Variants in SIAH3 observed in about 807,000 individuals in gnomAD.
SIAH3 encodes seven in absentia homolog 3.
In SIAH3, 9 loss-of-function variants were observed where a neutral mutation model predicts 12.6. The ratio of observed to expected loss-of-function variants is 0.72; its 90% CI spans 0.43 to 1.25. The LOEUF (loss-of-function observed/expected upper bound fraction) is 1.25. SIAH3 is among the 50% of genes most tolerant of loss of function. The pLI, the probability that SIAH3 is intolerant of heterozygous loss-of-function variation, is 0.00. For missense variants in SIAH3, 390 were observed against 365.4 expected (o/e 1.07, Z -0.55); for synonymous variants, 154 against 151.1 (o/e 1.02, Z -0.14).
intron 1 of SIAH3, among the ~76,000 whole-genome samples, chr13:45,793,768 GC>G (rs1950553875): frequency 6.6e-6 from 1 of 152,202 alleles, no homozygotes; most frequent in South Asian, 2.1e-4. Flanking sequence ...TTAGAAGACT[GC>G]CCCCAAAAGA....
In SIAH3 at chr13:45,851,375, T is replaced by C; in HGVS notation, c.135+120A>G. 2.2e-6 allele frequency: 3 copies of C among 1,358,116 alleles called. No homozygotes were observed. In the South Asian group the frequency reaches 3.9e-5, roughly 18 times the overall value. 84.1% of individuals were successfully genotyped at this position (1,358,116 alleles called of 1,614,324 possible). ...CAAACACGCCGGGTTCCAGACACCGTCCCAGCCCCCGAGACCCGGGTTTGC... is the reference window on the plus strand; with the variant it reads ...CAAACACGCCGGGTTCCAGACACCGCCCCAGCCCCCGAGACCCGGGTTTGC... On this transcript the variant is annotated intron_variant, in intron 1 of 1. Transcript: ENST00000400405.
chr13:45,778,554 G>T lies in SIAH3; in HGVS notation c.*4829C>A, dbSNP rs191112204. On this transcript the variant is annotated 3_prime_UTR_variant, in exon 2 of 2. Coordinates refer to ENST00000400405, the MANE Select transcript of SIAH3 (RefSeq NM_198849.3). ...TGTTTCCCCAACAATTTGCTGTTCC[G>T]CTGGCTTGGCTGTCATTTATGCCCT... 4 of 152,290 alleles carry T rather than the reference G, an allele frequency of 2.6e-5. No individual in the cohort carries two copies. The highest frequency in any genetic ancestry group is 2.0e-4 in the Admixed American group (3 of 15,294). 9.4% of individuals were successfully genotyped at this position (152,290 alleles called of 1,614,324 possible). A position where few individuals can be genotyped will look rare whatever the true frequency, so the allele number is the denominator to read the frequency against.
chr13:45,795,926 G>A (rs1267907545), intron 1 of SIAH3, among the ~76,000 whole-genome samples: 2 of 119,324 alleles, frequency 1.7e-5, no homozygotes, highest in Non-Finnish European at 3.6e-5. Context: ...CCAACAACAT[G>A]GATAGATCTC....
chr13:45,783,304 G>T lies in SIAH3; in HGVS notation c.*79C>A. On this transcript the variant is annotated 3_prime_UTR_variant, in exon 2 of 2. Transcript: ENST00000400405. ...AAAAAAGAAAGGAGAAGAATAAAAA[G>T]GAGTCTGGAGTCCTGGTATTGGGAG... 1.0e-6 allele frequency: 1 copy of T among 978,106 alleles called. No homozygotes were observed. The highest frequency in any genetic ancestry group is 1.5e-6 in the Non-Finnish European group (1 of 689,228). The allele number at this position is 978,106 out of a possible 1,614,324, so 60.6% of individuals were successfully genotyped here.
At chr13:45,839,093 G>C (rs1405037972) in intron 1 of SIAH3, among the ~76,000 whole-genome samples, 1 of 152,110 alleles carries the variant, frequency 6.6e-6, no homozygotes, top group East Asian at 1.9e-4. Flanking sequence ...TTTAGTTATA[G>C]AGTATGGCCG....
intron 1 of SIAH3, among the ~76,000 whole-genome samples, chr13:45,843,287 C>T (rs1426097449): frequency 6.6e-6 from 1 of 152,014 alleles, no homozygotes; most frequent in Non-Finnish European, 1.5e-5. Flanking sequence ...TGTACAACCT[C>T]ACAGGGACAT....
rs761653065 is a variant in SIAH3, at chr13:45,783,417, G to A, written c.776C>T (p.Ala259Val). The change falls in exon 2 of 2, where the codon GCG (alanine) becomes GTG (valine). Residue 259 changes from alanine to valine, a missense_variant. Transcript: ENST00000400405. ...AGCTTCTGAGGGGAGGACCTCTGTC[G>A]CGGTGATGGCAATCCCAATGGCAAG... ...GSLAIGIAIT[A>V]TEVLPSEAEM 5 of 1,613,406 alleles carry A rather than the reference G, an allele frequency of 3.1e-6. No homozygotes were observed. The highest frequency in any genetic ancestry group is 4.2e-6 in the Non-Finnish European group (5 of 1,179,534).
At chr13:45,848,874 C>T (rs1342845018) in intron 1 of SIAH3, among the ~76,000 whole-genome samples, 1 of 152,176 alleles carries the variant, frequency 6.6e-6, no homozygotes, top group Non-Finnish European at 1.5e-5. Flanking sequence ...AATACTGCCA[C>T]AGGTTTTATT....
At chr13:45,843,034 C>CTCTGTGTGTGTG (rs560128772) in intron 1 of SIAH3, among the ~76,000 whole-genome samples, 11 of 139,186 alleles carry the variant, frequency 7.9e-5, no homozygotes, top group African/African-American at 2.7e-4. Flanking sequence ...CTCTCTCTCT[C>CTCTGTGTGTGTG]TGTGTGTGTG....
intron 1 of SIAH3, among the ~76,000 whole-genome samples, chr13:45,795,747 A>G (rs1457435335): frequency 2.0e-5 from 3 of 152,214 alleles, no homozygotes; most frequent in Middle Eastern, 3.2e-3. Flanking sequence ...CCTGACAAAT[A>G]TGAGCATTAT....
rs57504283 is a variant in SIAH3 at position 45,851,671 on chromosome 13, G to A, written c.-42C>T. ...TTGTTGGTCCGGGAAGGCAGCGGAG[G>A]AAGCTGTGAGTCCTTGGGCCCTGGA... is the stretch of plus-strand genomic sequence containing the variant. On this transcript the variant is annotated 5_prime_UTR_variant, in exon 1 of 2. Transcript: ENST00000400405. 3.3e-3 allele frequency: 5,332 copies of A among 1,613,350 alleles called. 146 individuals carry two copies. The African/African-American group carries it at 0.06, about 18-fold the overall frequency.
In SIAH3 at chr13:45,783,291, A is replaced by T; in HGVS notation, c.*92T>A. 1 of 772,294 alleles carries T rather than the reference A, an allele frequency of 1.3e-6. No homozygotes were observed. The highest frequency in any genetic ancestry group is 1.9e-6 in the Non-Finnish European group (1 of 532,192). The allele number at this position is 772,294 out of a possible 1,614,324, so 47.8% of individuals were successfully genotyped here. On this transcript the variant is annotated 3_prime_UTR_variant, in exon 2 of 2. Transcript: ENST00000400405. ...AAATTAAAAAAAAAAAAAAGAAAGG[A>T]GAAGAATAAAAAGGAGTCTGGAGTC...
chr13:45,787,481 C>T (rs533134349), intron 1 of SIAH3, among the ~76,000 whole-genome samples: 44 of 152,176 alleles, frequency 2.9e-4, no homozygotes, highest in Non-Finnish European at 4.4e-4. Flanking sequence ...CTGAGAGCAC[C>T]AAGTGGGGGA....
intron 1 of SIAH3, among the ~76,000 whole-genome samples, chr13:45,803,128 T>A (rs1593378993): frequency 6.6e-6 from 1 of 151,420 alleles, no homozygotes; most frequent in South Asian, 2.1e-4. Context: ...TGGGCAGGAG[T>A]GCCTTAATCT....
intron 1 of SIAH3, among the ~76,000 whole-genome samples, chr13:45,805,743 A>G (rs1328469148): frequency 6.6e-6 from 1 of 152,194 alleles, no homozygotes; most frequent in Non-Finnish European, 1.5e-5. Context: ...TAATTAAACT[A>G]AAGAGCTTCT....
At chr13:45,822,760 C>T (rs1368898547) in intron 1 of SIAH3, among the ~76,000 whole-genome samples, 2 of 151,864 alleles carry the variant, frequency 1.3e-5, no homozygotes, top group Admixed American at 6.6e-5. Context: ...GCTGGGTGTG[C>T]CGCAGGCCTG....
intron 1 of SIAH3, among the ~76,000 whole-genome samples, chr13:45,825,264 T>C (rs1950669963): frequency 6.6e-6 from 1 of 152,170 alleles, no homozygotes. Flanking sequence ...AAAGATAAAT[T>C]GACCCCAGCT....
At chr13:45,838,488 A>G (rs537778592) in intron 1 of SIAH3, among the ~76,000 whole-genome samples, 15 of 152,234 alleles carry the variant, frequency 9.9e-5, no homozygotes, top group African/African-American at 3.6e-4. Context: ...GGAGGCTCGC[A>G]CAGGGCACGG....
At chr13:45,803,314 G>T (rs1206353563) in intron 1 of SIAH3, among the ~76,000 whole-genome samples, 1 of 152,134 alleles carries the variant, frequency 6.6e-6, no homozygotes, top group Non-Finnish European at 1.5e-5. Context: ...TCTTTCATGT[G>T]CCAGATCCTG....
Sources: gnomAD v4.1 joint callset for allele counts (sites outside exome capture counted in the v4.1 genomes callset) on GRCh38, gnomAD v4.1.1 for gene constraint, MANE v1.5 for transcripts, NCBI Gene and HGNC (gene_info 2026-07-23, HGNC 2026-07-21) for gene names.